Variants in PITPNA observed in about 807,000 individuals in gnomAD.
The protein encoded by PITPNA is phosphatidylinositol transfer protein alpha.
In PITPNA, 13 loss-of-function variants were observed where a neutral mutation model predicts 50.3. That is an observed-to-expected ratio of 0.26 (90% CI 0.17 to 0.41). The LOEUF is 0.41. Ranked by LOEUF, PITPNA falls within the 10% of genes least tolerant of loss-of-function variation. The probability of loss-of-function intolerance (pLI) is 1.00; values close to 1 mark genes in which losing one functional copy is unlikely to be tolerated. For synonymous variants in PITPNA, 120 were observed against 119.6 expected, an observed-to-expected ratio of 1.00 and a Z score of -0.02; for missense variants, 207 against 333.4, an observed-to-expected ratio of 0.62 and a Z score of 2.95.
chr17:1,526,764 C>CT (rs916123230), intron 10 of PITPNA, among the ~76,000 whole-genome samples: 2 of 152,088 alleles, frequency 1.3e-5, no homozygotes, highest in Admixed American at 1.3e-4. Context: ...TTACTTCAAT[C>CT]TTTTTTTGTT....
Position 1,553,050 on chromosome 17 carries a change from C to T in PITPNA, c.151G>A (p.Asp51Asn). 1 of 1,613,966 alleles carries T rather than the reference C, an allele frequency of 6.2e-7. No individual in the cohort carries two copies. Among genetic ancestry groups the T allele is most frequent in the Non-Finnish European group, 8.5e-7 (1 of 1,179,876 alleles). ...EVLVNEPYEK[D>N]GEKGQYTHKI... is the part of the protein sequence containing the mutation. ...TGTGTGTACTGGCCTTTCTCACCGT[C>T]CTTCTCGTAGGGCTCATTCACCAGG... Residue 51 changes from aspartate (D) to asparagine (N), a missense_variant, in exon 3 of 12, where the codon GAC (aspartate) becomes AAC (asparagine). Transcript: ENST00000313486.
Position 1,549,676 on chromosome 17 carries a change from T to G in PITPNA, c.198-1289A>C, listed in dbSNP as rs1284846186. Among the ~76,000 whole-genome samples the G allele has an allele frequency of 1.4e-5, 2 of 143,712 alleles. 1 individual carries two copies. Among genetic ancestry groups the G allele is most frequent in the African/African-American group, 5.3e-5 (2 of 37,812 alleles). The allele number at this position is 143,712 out of a possible 152,430, so 94.3% of individuals were successfully genotyped here. On this transcript the variant is annotated intron_variant, in intron 3 of 11. Transcript: ENST00000313486. ...TACATATATTCCTTTTCCTTTTTTTTGTTTGTTTTTGTTTTTTGAGATGGA... is the reference window on the plus strand; with the variant it reads ...TACATATATTCCTTTTCCTTTTTTTGGTTTGTTTTTGTTTTTTGAGATGGA...
chr17:1,546,867 ACT>A (rs1054779472), intron 4 of PITPNA, among the ~76,000 whole-genome samples: 9 of 152,136 alleles, frequency 5.9e-5, no homozygotes, highest in Non-Finnish European at 1.0e-4. Flanking sequence ...CTTTCAAGAA[ACT>A]CTATGCAGGA....
At chr17:1,525,000 T>C (rs1485357816) in intron 10 of PITPNA, among the ~76,000 whole-genome samples, 5 of 151,974 alleles carry the variant, frequency 3.3e-5, no homozygotes, top group Admixed American at 2.6e-4. Context: ...AAAATTATTA[T>C]TGTTTTTGAG....
chr17:1,554,938 C>T (rs879356798), intron 2 of PITPNA, among the ~76,000 whole-genome samples: 4 of 152,214 alleles, frequency 2.6e-5, no homozygotes, highest in Admixed American at 2.0e-4. Context: ...CCTGGAGCCC[C>T]AAGCTGTCCC....
chr17:1,555,702 C>A (rs544642410), intron 2 of PITPNA, among the ~76,000 whole-genome samples: 76 of 152,302 alleles, frequency 5.0e-4, no homozygotes, highest in African/African-American at 1.8e-3. Flanking sequence ...AACAGTACAG[C>A]TTTGGTCCCA....
intron 2 of PITPNA, among the ~76,000 whole-genome samples, chr17:1,554,683 T>C (rs1235023309): frequency 6.6e-6 from 1 of 152,124 alleles, no homozygotes; most frequent in Middle Eastern, 3.2e-3. Flanking sequence ...ACCAGGCAGC[T>C]TCCTAAGCAC....
Position 1,549,692 on chromosome 17 carries a change from T to C in PITPNA, c.198-1305A>G, listed in dbSNP as rs895132946. On this transcript the variant is annotated intron_variant, in intron 3 of 11. Coordinates refer to ENST00000313486, the MANE Select transcript of PITPNA (RefSeq NM_006224.4). ...CCTTTTTTTTGTTTGTTTTTGTTTT[T>C]TGAGATGGAGCCTTGCTCTGTCGCC... 2.1e-5 allele frequency among the ~76,000 whole-genome samples: 3 copies of C among 144,324 alleles called. 1 individual carries two copies. The highest frequency in any genetic ancestry group is 7.9e-5 in the African/African-American group (3 of 38,100). The allele number at this position is 144,324 out of a possible 152,430, so 94.7% of individuals were successfully genotyped here.
intron 4 of PITPNA, among the ~76,000 whole-genome samples, chr17:1,546,382 T>C (rs920148906): frequency 2.6e-5 from 4 of 152,230 alleles, no homozygotes; most frequent in South Asian, 2.1e-4. Flanking sequence ...AATCTCCTGA[T>C]ACAAGGTCCC....
At chr17:1,522,132 C>T (rs546531940) in intron 10 of PITPNA, among the ~76,000 whole-genome samples, 18 of 148,792 alleles carry the variant, frequency 1.2e-4, no homozygotes, top group East Asian at 9.9e-4. Flanking sequence ...ACTGCAGTGG[C>T]GCAATCTCGG....
Position 1,562,613 on chromosome 17 carries a change from G to T in PITPNA, c.-53C>A. ...CGGCCCGCCCGGCCTCCCGCCCGCTGCCCGCCGGCCGCTCTCCCCGTGGCC... is the reference window on the plus strand; with the variant it reads ...CGGCCCGCCCGGCCTCCCGCCCGCTTCCCGCCGGCCGCTCTCCCCGTGGCC... On this transcript the variant is annotated 5_prime_UTR_variant, in exon 1 of 12. Transcript: ENST00000313486. This position sits in a 1 kb window ranked among gnomAD's most constrained non-coding sequence, Gnocchi z 6.4. 1 of 1,196,560 alleles carries T rather than the reference G, an allele frequency of 8.4e-7. No individual in the cohort carries two copies. The highest frequency in any genetic ancestry group is 1.0e-6 in the Non-Finnish European group (1 of 961,182). The allele number at this position is 1,196,560 out of a possible 1,614,324, so 74.1% of individuals were successfully genotyped here.
intron 3 of PITPNA, 51 bp from the exon 4 acceptor site, chr17:1,548,438 G>A (rs1363516224): frequency 3.1e-6 from 4 of 1,275,262 alleles, no homozygotes; most frequent in East Asian, 4.9e-5. Flanking sequence ...AGAGAAAGGA[G>A]ACAAGAGGCT....
In PITPNA at chr17:1,555,705, TG is replaced by T. The variant is rs547834220; in HGVS notation, c.52-2557del. ...CACGTCATAAACAACAGTACAGCTT[TG>T]GTCCCACCAACATGGCCCTGTCAGG... On this transcript the variant is annotated intron_variant, in intron 2 of 11. Transcript: ENST00000313486. Among the ~76,000 whole-genome samples the T allele has an allele frequency of 7.8e-4, 119 of 152,342 alleles. 1 individual carries two copies. In the South Asian group the frequency reaches 0.024, roughly 31 times the overall value.
chr17:1,555,194 G>A (rs925277285), intron 2 of PITPNA, among the ~76,000 whole-genome samples: 7 of 152,298 alleles, frequency 4.6e-5, no homozygotes, highest in Non-Finnish European at 8.8e-5. Flanking sequence ...GAGACTAATC[G>A]CCTTCATTTG....
In PITPNA at chr17:1,534,236, G is replaced by A. The variant is rs780706551; in HGVS notation, c.646-15C>T. 4 of 1,613,506 alleles carry A rather than the reference G, an allele frequency of 2.5e-6. No individual in the cohort carries two copies. The highest frequency in any genetic ancestry group is 3.3e-5 in the Admixed American group (2 of 59,994). ...CGCCTCTCTTGCTATAGAAAGGAGG[G>A]AACCACGTTAGAACGCAGAAGGCAA... is the stretch of plus-strand genomic sequence containing the variant. On this transcript the variant is annotated splice_polypyrimidine_tract_variant and intron_variant, in intron 9 of 11. Transcript: ENST00000313486.
At position 1,538,681 on chromosome 17, in the gene PITPNA, A is replaced by G. The variant is rs138598214; in HGVS notation, c.456+188T>C. The G allele has an allele frequency of 3.9e-4, 204 of 520,300 alleles. 2 individuals carry two copies. In the East Asian group the frequency reaches 5.0e-3, roughly 13 times the overall value. The allele number at this position is 520,300 out of a possible 1,614,324, so 32.2% of individuals were successfully genotyped here. ...CAAACAGGGCACACAAATTTGGGCC[A>G]CTAATTTTCTGGTGGCATCCCCAAC... On this transcript the variant is annotated intron_variant, in intron 7 of 11. Coordinates refer to ENST00000313486, the MANE Select transcript of PITPNA (RefSeq NM_006224.4).
chr17:1,523,175 G>C (rs2075525341), intron 10 of PITPNA, among the ~76,000 whole-genome samples: 1 of 152,202 alleles, frequency 6.6e-6, no homozygotes, highest in African/African-American at 2.4e-5. Context: ...GGATACTGTA[G>C]ACGTCATCTC....
chr17:1,527,703 A>G (rs1203975140), intron 10 of PITPNA, among the ~76,000 whole-genome samples: 2 of 152,322 alleles, frequency 1.3e-5, no homozygotes, highest in East Asian at 3.9e-4. Flanking sequence ...TAAGTATGAA[A>G]TACACCTTTG....
At chr17:1,547,887 G>A (rs563789693) in intron 4 of PITPNA, among the ~76,000 whole-genome samples, 91 of 151,952 alleles carry the variant, frequency 6.0e-4, no homozygotes, top group Non-Finnish European at 1.2e-3. Context: ...CCAGCTACTC[G>A]GGAGGCTGAG....
Sources: gnomAD v4.1 joint callset for allele counts (sites outside exome capture counted in the v4.1 genomes callset) on GRCh38, gnomAD v4.1.1 for gene constraint, Gnocchi (gnomAD v3.1) non-coding constraint, MANE v1.5 for transcripts, NCBI Gene and HGNC (gene_info 2026-07-23, HGNC 2026-07-21) for gene names.